Variants in PCDH15 observed in about 807,000 individuals in gnomAD.
PCDH15 encodes the protein protocadherin related 15.
PCDH15 carries 129 observed loss-of-function variants against 178.5 expected under a neutral mutation model. The ratio of observed to expected loss-of-function variants is 0.72; its 90% CI spans 0.63 to 0.84. The LOEUF is 0.84. Ranked by LOEUF, PCDH15 falls within the 40% of genes least tolerant of loss-of-function variation. The pLI, the probability that PCDH15 is intolerant of heterozygous loss-of-function variation, is 0.00. For synonymous variants in PCDH15, 800 were observed against 732.0 expected (o/e 1.09, Z -1.50); for missense variants, 2,230 against 2,099.9 (o/e 1.06, Z -1.21).
At chr10:54,776,754 G>A (rs1376402465) in intron 1 of PCDH15, among the ~76,000 whole-genome samples, 1 of 152,092 alleles carries the variant, frequency 6.6e-6, no homozygotes, top group Non-Finnish European at 1.5e-5. Context: ...TTTTATGCTC[G>A]GTTTGTTAGG....
At chr10:54,801,617 A>G (rs1387318652), upstream of PCDH15, among the ~76,000 whole-genome samples, 3 of 152,126 alleles carry the variant, frequency 2.0e-5, no homozygotes, top group East Asian at 1.9e-4. Flanking sequence ...AGCTTCTTTT[A>G]TCATTCTCTC....
chr10:55,119,159 A>T (rs1837701922), intron 2 of PCDH15, among the ~76,000 whole-genome samples: 1 of 152,166 alleles, frequency 6.6e-6, no homozygotes, highest in Non-Finnish European at 1.5e-5. Flanking sequence ...ACTTAAAAAC[A>T]AGACAGAAGT....
At position 54,367,751 on chromosome 10, in the gene PCDH15, A is replaced by G. The variant is rs369526995; in HGVS notation, c.474+1369T>C. 1.4e-4 allele frequency among the ~76,000 whole-genome samples: 22 copies of G among 151,922 alleles called. No homozygotes were observed. In the East Asian group the frequency reaches 2.3e-3, roughly 16 times the overall value. On this transcript the variant is annotated intron_variant, in intron 5 of 37. Coordinates refer to ENST00000644397, the MANE Select transcript of PCDH15 (RefSeq NM_001384140.1). ...CAGCAAACCACCATGGCACGTGTAT[A>G]CCTATGTAACAAACCTGCACATTCT...
intron 17 of PCDH15, among the ~76,000 whole-genome samples, chr10:54,078,973 C>A (rs1405584400): frequency 6.6e-6 from 1 of 152,094 alleles, no homozygotes; most frequent in African/African-American, 2.4e-5. Flanking sequence ...AAAAATGACG[C>A]TAAGTGTAAC....
At chr10:53,823,919 C>A in intron 32 of PCDH15, 1 of 381,948 alleles carries the variant, frequency 2.6e-6, no homozygotes, top group South Asian at 1.9e-5. Context: ...GCCCAAAAAT[C>A]ACAATTGAGA....
intron 23 of PCDH15, among the ~76,000 whole-genome samples, chr10:53,959,469 A>C (rs907765417): frequency 3.9e-5 from 6 of 152,068 alleles, no homozygotes; most frequent in Non-Finnish European, 8.8e-5. Flanking sequence ...TGAAACCCCA[A>C]AATATAATGT....
chr10:55,173,342 TG>T, intron 1 of PCDH15, among the ~76,000 whole-genome samples: 1 of 135,056 alleles, frequency 7.4e-6, no homozygotes, highest in Non-Finnish European at 1.6e-5. Flanking sequence ...TGTGTGTGTG[TG>T]TGTATGTGTA....
rs141814092 is a variant in PCDH15 at position 54,980,410 on chromosome 10, T to G, written c.-79-82910A>C. Among the ~76,000 whole-genome samples, 775 of 152,242 alleles carry G rather than the reference T, an allele frequency of 5.1e-3. 4 individuals are homozygous for G. The highest frequency in any genetic ancestry group is 0.018 in the African/African-American group (747 of 41,566). On this transcript the variant is annotated intron_variant, in intron 2 of 5. Coordinates refer to the PCDH15 transcript ENST00000458638. ...GCAAAACATTTCTTATTTTATTATA[T>G]TTCTTATTTTATTGAATTACCATTA...
At chr10:54,018,833 T>C (rs2092822433) in intron 20 of PCDH15, among the ~76,000 whole-genome samples, 1 of 150,618 alleles carries the variant, frequency 6.6e-6, no homozygotes, top group Non-Finnish European at 1.5e-5. Context: ...CATAGAAACT[T>C]GATATCTATA....
chr10:54,004,666 G>T (rs1045495853), intron 20 of PCDH15, among the ~76,000 whole-genome samples: 4 of 151,828 alleles, frequency 2.6e-5, no homozygotes, highest in Admixed American at 1.3e-4. Context: ...GAACACAAAA[G>T]AATGAAAAGA....
chr10:54,933,731 T>C (rs930504288), intron 2 of PCDH15, among the ~76,000 whole-genome samples: 1 of 152,120 alleles, frequency 6.6e-6, no homozygotes, highest in Non-Finnish European at 1.5e-5. Flanking sequence ...TAATATTAAT[T>C]AGATATTTTA....
intron 2 of PCDH15, among the ~76,000 whole-genome samples, chr10:55,460,424 T>C (rs957134150): frequency 1.3e-5 from 2 of 151,926 alleles, no homozygotes; most frequent in Admixed American, 6.6e-5. Flanking sequence ...TCGAGAATTA[T>C]TTGTTTCATT....
At chr10:54,429,301 A>T (rs1347089616) in intron 3 of PCDH15, among the ~76,000 whole-genome samples, 1 of 152,160 alleles carries the variant, frequency 6.6e-6, no homozygotes, top group East Asian at 1.9e-4. Context: ...ATTTGCAAGC[A>T]TTGTGGTAAC....
chr10:54,635,733 C>G (rs1156725630), intron 2 of PCDH15, among the ~76,000 whole-genome samples: 1 of 151,764 alleles, frequency 6.6e-6, no homozygotes, highest in Non-Finnish European at 1.5e-5. Context: ...TGCTATTATA[C>G]TCACTCAAGG....
rs371544759 is a variant in PCDH15, at chr10:54,371,485, G to A, written c.319-2210C>T. 1.1e-3 allele frequency among the ~76,000 whole-genome samples: 168 copies of A among 151,894 alleles called. 4 individuals carry two copies. In the South Asian group the frequency reaches 0.023, roughly 21 times the overall value. ...TTTTAAATTTAACAACATATGATTT[G>A]TCAAATATCTAAATGGTTGTCATGG... On this transcript the variant is annotated intron_variant, in intron 4 of 37. Transcript: ENST00000644397.
intron 1 of PCDH15, among the ~76,000 whole-genome samples, chr10:55,318,284 T>C (rs948350771): frequency 6.6e-6 from 1 of 152,022 alleles, no homozygotes; most frequent in Admixed American, 6.6e-5. Context: ...TGGATATCAA[T>C]GAGCTCAAAC....
intron 2 of PCDH15, among the ~76,000 whole-genome samples, chr10:54,990,788 G>C (rs1839480322): frequency 6.6e-6 from 1 of 151,918 alleles, no homozygotes; most frequent in Non-Finnish European, 1.5e-5. Context: ...TTGGTCTCTG[G>C]TCAGGTGAAT....
rs570367129 is a variant in PCDH15 at position 55,327,935 on chromosome 10, G to C, written c.-155-161284C>G. ...TTATTGGCTGTCAGTCACTTAGTCAGGATACAAAACATATGATTACTTCCT... is the reference window on the plus strand; with the variant it reads ...TTATTGGCTGTCAGTCACTTAGTCACGATACAAAACATATGATTACTTCCT... On this transcript the variant is annotated intron_variant, in intron 2 of 5. Transcript: ENST00000613346. 8.6e-5 allele frequency among the ~76,000 whole-genome samples: 13 copies of C among 152,016 alleles called. No homozygotes were observed. In the South Asian group the frequency reaches 2.5e-3, roughly 29 times the overall value.
At chr10:54,409,976 T>C (rs1953249418) in intron 3 of PCDH15, among the ~76,000 whole-genome samples, 2 of 152,168 alleles carry the variant, frequency 1.3e-5, no homozygotes. Context: ...TTTTTCTTTA[T>C]TAATTACCCA....
Sources: gnomAD v4.1 joint callset for allele counts (sites outside exome capture counted in the v4.1 genomes callset) on GRCh38, gnomAD v4.1.1 for gene constraint, MANE v1.5 for transcripts, NCBI Gene and HGNC (gene_info 2026-07-23, HGNC 2026-07-21) for gene names.